The following DACH2 variants were observed in gnomAD, a reference collection of about 807,000 sequenced individuals.
DACH2 encodes dachshund family transcription factor 2, also known as dachshund homolog 2.
In DACH2, 17 loss-of-function variants were observed where a neutral mutation model predicts 35.8. The observed-to-expected ratio is 0.48, with a 90% CI of 0.33 to 0.71. The LOEUF is 0.71. Among genes scored for constraint, DACH2 ranks in the 30% least tolerant of loss-of-function variants. DACH2 has a pLI of 0.02. For synonymous variants in DACH2, 195 were observed against 177.3 expected, an observed-to-expected ratio of 1.10 and a Z score of -0.79; for missense variants, 469 against 472.7, an observed-to-expected ratio of 0.99 and a Z score of 0.07.
intron 2 of DACH2, among the ~76,000 whole-genome samples, chrX:86,438,854 C>A (rs2037112472): frequency 8.9e-6 from 1 of 112,417 alleles, no homozygotes; most frequent in South Asian, 3.7e-4. Context: ...TGCAACCTTG[C>A]AAGCACCAGT....
intron 7 of DACH2, among the ~76,000 whole-genome samples, chrX:86,793,093 A>C (rs1181290506): frequency 1.8e-5 from 2 of 110,326 alleles, no homozygotes; most frequent in African/African-American, 6.6e-5. Flanking sequence ...TGTGGATTTA[A>C]TTTGCATTTT....
chrX:86,455,781 G>T (rs756242104), intron 2 of DACH2, among the ~76,000 whole-genome samples: 18 of 112,437 alleles, frequency 1.6e-4, no homozygotes, highest in Non-Finnish European at 5.6e-5. Flanking sequence ...CTTTTGACGT[G>T]CTGTGGAAGT....
intron 2 of DACH2, among the ~76,000 whole-genome samples, chrX:86,391,815 G>T (rs904296292): frequency 2.7e-5 from 3 of 110,856 alleles, no homozygotes; most frequent in Admixed American, 1.9e-4. Flanking sequence ...AGAAAATGGG[G>T]TTTACCATTA....
At chrX:86,361,694 A>T (rs1292837203) in intron 1 of DACH2, among the ~76,000 whole-genome samples, 1 of 111,873 alleles carries the variant, frequency 8.9e-6, no homozygotes, top group African/African-American at 3.2e-5. Context: ...AAACTTAATA[A>T]ATTGTATTCT....
chrX:86,636,646 T>A (rs955719363), intron 3 of DACH2, among the ~76,000 whole-genome samples: 2 of 111,221 alleles, frequency 1.8e-5, no homozygotes, highest in African/African-American at 6.6e-5. Context: ...CTGGGATAAC[T>A]GGCAAGCTGT....
At chrX:86,675,302 T>C (rs1489839285) in intron 4 of DACH2, among the ~76,000 whole-genome samples, 2 of 111,940 alleles carry the variant, frequency 1.8e-5, no homozygotes, top group Non-Finnish European at 3.8e-5. Context: ...ATGTCTAGCC[T>C]TTTAGTGGGA....
intron 2 of DACH2, among the ~76,000 whole-genome samples, chrX:86,387,794 CACTT>C (rs1302511476): frequency 3.6e-5 from 4 of 112,051 alleles, no homozygotes; most frequent in South Asian, 3.7e-4. Context: ...ATATTACTAA[CACTT>C]ACATTATTTT....
chrX:86,704,544 T>C (rs2041187073), intron 5 of DACH2, among the ~76,000 whole-genome samples: 1 of 111,727 alleles, frequency 9.0e-6, no homozygotes, highest in Non-Finnish European at 1.9e-5. Context: ...TTGCAAACTC[T>C]GCATCTAACA....
At chrX:86,593,006 C>A (rs1457004596) in intron 3 of DACH2, among the ~76,000 whole-genome samples, 2 of 111,467 alleles carry the variant, frequency 1.8e-5, no homozygotes, top group Admixed American at 9.6e-5. Context: ...CCTGTATTTT[C>A]TTTTCTTTTC....
intron 1 of DACH2, among the ~76,000 whole-genome samples, chrX:86,156,313 A>G (rs1392175029): frequency 9.0e-6 from 1 of 111,707 alleles, no homozygotes; most frequent in Non-Finnish European, 1.9e-5. Context: ...TGTGTATATT[A>G]GACATTTAAT....
At chrX:86,729,018 G>T (rs909738478) in intron 6 of DACH2, among the ~76,000 whole-genome samples, 4 of 112,096 alleles carry the variant, frequency 3.6e-5, no homozygotes, top group African/African-American at 1.3e-4. Context: ...GGGGCTACGG[G>T]CTCTGAGACC....
intron 1 of DACH2, among the ~76,000 whole-genome samples, chrX:86,232,702 C>CA (rs2032975556): frequency 8.9e-6 from 1 of 111,947 alleles, no homozygotes; most frequent in Non-Finnish European, 1.9e-5. Flanking sequence ...CAGATACTGG[C>CA]AAGGTTGAGG....
intron 3 of DACH2, among the ~76,000 whole-genome samples, chrX:86,555,856 A>T (rs1313226993): frequency 9.0e-6 from 1 of 111,653 alleles, no homozygotes; most frequent in East Asian, 2.8e-4. Context: ...ACCAGGGGAA[A>T]TAATGCTAAT....
intron 1 of DACH2, among the ~76,000 whole-genome samples, chrX:86,301,440 A>T (rs1238190065): frequency 8.9e-6 from 1 of 111,920 alleles, no homozygotes; most frequent in Non-Finnish European, 1.9e-5. Context: ...TTCTTGAAAT[A>T]TAAAAAAAAC....
At chrX:86,602,305 A>G (rs990041513) in intron 3 of DACH2, among the ~76,000 whole-genome samples, 10 of 112,492 alleles carry the variant, frequency 8.9e-5, no homozygotes, top group Admixed American at 4.7e-4. Context: ...TATACCTTCT[A>G]TAAACATCTG....
intron 3 of DACH2, among the ~76,000 whole-genome samples, chrX:86,516,879 A>G (rs758721383): frequency 6.3e-5 from 7 of 111,621 alleles, no homozygotes; most frequent in Non-Finnish European, 9.4e-5. Flanking sequence ...ATGTTCCTAC[A>G]AAAGACATGA....
intron 4 of DACH2, among the ~76,000 whole-genome samples, chrX:86,669,421 A>G (rs1039764699): frequency 5.4e-5 from 6 of 111,328 alleles, no homozygotes; most frequent in African/African-American, 1.6e-4. Flanking sequence ...AAGATATTAT[A>G]TATTGGTCAT....
At chrX:86,346,356 G>C (rs1202819738) in intron 1 of DACH2, among the ~76,000 whole-genome samples, 2 of 108,479 alleles carry the variant, frequency 1.8e-5, no homozygotes, top group Non-Finnish European at 3.8e-5. Flanking sequence ...ACCTACAGCA[G>C]GTATCACTTT....
At chrX:86,749,836 A>T (rs769500803) in intron 7 of DACH2, among the ~76,000 whole-genome samples, 6 of 111,605 alleles carry the variant, frequency 5.4e-5, no homozygotes, top group Non-Finnish European at 1.1e-4. Flanking sequence ...ATGTTTTCAA[A>T]TTTATAAGTG....
Sources: allele counts gnomAD v4.1 joint callset (sites outside exome capture counted in the v4.1 genomes callset), GRCh38; gene constraint gnomAD v4.1.1; transcripts MANE v1.5; gene names NCBI Gene and HGNC (gene_info 2026-07-23, HGNC 2026-07-21).